The following COLGALT2 variants were observed in gnomAD, a reference collection of about 807,000 sequenced individuals.
The protein encoded by COLGALT2 is procollagen galactosyltransferase 2.
In COLGALT2, 49 loss-of-function variants were observed where a neutral mutation model predicts 73.4. The observed-to-expected ratio is 0.67, with a 90% CI of 0.53 to 0.85. The LOEUF is 0.85. COLGALT2 is among the 40% of genes least tolerant of loss of function. The pLI, the probability that COLGALT2 is intolerant of heterozygous loss-of-function variation, is 0.00. For missense variants in COLGALT2, 722 were observed against 790.2 expected (o/e 0.91, Z 1.03); for synonymous variants, 295 against 307.6 (o/e 0.96, Z 0.43).
exon 12 of COLGALT2, chr1:183,930,210 C>G (rs35382033): frequency 2.2e-6 from 1 of 456,042 alleles, no homozygotes; most frequent in African/African-American, 2.0e-5. Flanking sequence ...ATGCCTTCTC[C>G]TAGGGTGCAC....
chr1:183,994,107 C>A (rs1031018378), intron 1 of COLGALT2, among the ~76,000 whole-genome samples: 2 of 128,886 alleles, frequency 1.6e-5, no homozygotes, highest in Non-Finnish European at 3.2e-5. Context: ...GGTGTGATCT[C>A]GGCTCACTGC....
chr1:183,999,237 C>T (rs191061349), intron 1 of COLGALT2, among the ~76,000 whole-genome samples: 7 of 151,992 alleles, frequency 4.6e-5, no homozygotes, highest in African/African-American at 1.2e-4. Context: ...GGCTTTTTCC[C>T]GTTAATTTGT....
At chr1:183,969,613 C>T in intron 4 of COLGALT2, 140 bp from the exon 5 acceptor site, 1 of 595,968 alleles carries the variant, frequency 1.7e-6, no homozygotes, top group Non-Finnish European at 2.8e-6. Context: ...CTCCTCTTAT[C>T]ATGGCCTATG....
At chr1:183,976,440 C>T (rs2102818292) in intron 2 of COLGALT2, among the ~76,000 whole-genome samples, 1 of 150,894 alleles carries the variant, frequency 6.6e-6, no homozygotes, top group African/African-American at 2.4e-5. Context: ...GAAACTTGTT[C>T]TGGAATGGCA....
In COLGALT2 at chr1:183,936,135, C is replaced by T. The variant is rs1330007729; in HGVS notation, c.*2626G>A. Reference sequence around the variant, plus strand: ...AAGAGAAATCCAGACAGGGTTTAGCCTCCAGAGGCAGAGAGCGGGTGCCAG... The same window carrying T: ...AAGAGAAATCCAGACAGGGTTTAGCTTCCAGAGGCAGAGAGCGGGTGCCAG... On this transcript the variant is annotated 3_prime_UTR_variant, in exon 12 of 12. Transcript: ENST00000361927. 3.0e-6 allele frequency: 3 copies of T among 985,546 alleles called. No homozygotes were observed. In the East Asian group the frequency reaches 3.4e-4, roughly 112 times the overall value. The allele number at this position is 985,546 out of a possible 1,614,324, so 61.1% of individuals were successfully genotyped here.
At chr1:183,992,626 G>C (rs1262842659) in intron 1 of COLGALT2, among the ~76,000 whole-genome samples, 2 of 152,132 alleles carry the variant, frequency 1.3e-5, no homozygotes, top group East Asian at 3.8e-4. Flanking sequence ...TGTTTATCTG[G>C]TCTCTGACAG....
Position 184,028,711 on chromosome 1 carries a change from T to C in COLGALT2, c.263+8384A>G, listed in dbSNP as rs116630146. 3.8e-3 allele frequency among the ~76,000 whole-genome samples: 579 copies of C among 152,342 alleles called. 4 individuals are homozygous for C. Among genetic ancestry groups the C allele is most frequent in the African/African-American group, 0.013 (530 of 41,596 alleles). ...CTTGTCCCAGACTCATCTTCTACCA[T>C]ACTCTTGGGGGTATACAGCCCAAGA... On this transcript the variant is annotated intron_variant, in intron 1 of 11. Coordinates refer to ENST00000361927, the MANE Select transcript of COLGALT2 (RefSeq NM_015101.4).
intron 1 of COLGALT2, among the ~76,000 whole-genome samples, chr1:183,979,145 C>T (rs1671283679): frequency 6.6e-6 from 1 of 152,100 alleles, no homozygotes; most frequent in Non-Finnish European, 1.5e-5. Flanking sequence ...AAATAATGTA[C>T]ACAAAACTTG....
rs547725115 is a variant in COLGALT2 at position 183,938,554 on chromosome 1, C to T, written c.*207G>A. 484 of 1,410,962 alleles carry T rather than the reference C, an allele frequency of 3.4e-4. No individual in the cohort carries two copies. Among genetic ancestry groups the T allele is most frequent in the Admixed American group, 1.2e-3 (40 of 33,536 alleles). 87.4% of individuals were successfully genotyped at this position (1,410,962 alleles called of 1,614,324 possible). A position where few individuals can be genotyped will look rare whatever the true frequency, so the allele number is the denominator to read the frequency against. ...GTTTCCAAAAAACCTGTCTTTCAGC[C>T]GTCTTGGGAAATTTGGGTTGAATTT... On this transcript the variant is annotated 3_prime_UTR_variant, in exon 12 of 12. Transcript: ENST00000361927.
chr1:183,940,321 A>G (rs982784014), intron 11 of COLGALT2, among the ~76,000 whole-genome samples: 1 of 152,176 alleles, frequency 6.6e-6, no homozygotes, highest in Non-Finnish European at 1.5e-5. Flanking sequence ...CAAGGAGGGG[A>G]CCAAGCACAT....
At chr1:184,030,387 C>A (rs980737356) in intron 1 of COLGALT2, among the ~76,000 whole-genome samples, 1 of 152,106 alleles carries the variant, frequency 6.6e-6, no homozygotes, top group Admixed American at 6.5e-5. Context: ...AGTGGCCATA[C>A]CATAGGCTAA....
intron 9 of COLGALT2, among the ~76,000 whole-genome samples, chr1:183,945,015 C>G (rs936118564): frequency 1.3e-5 from 2 of 152,132 alleles, no homozygotes; most frequent in Non-Finnish European, 2.9e-5. Flanking sequence ...CTGGCTCTGC[C>G]ACTTCTTACC....
rs567889214 is a variant in COLGALT2, at chr1:184,037,379, C to A, written c.-22G>T. 752 of 1,387,526 alleles carry A rather than the reference C, an allele frequency of 5.4e-4. 1 individual carries two copies. The highest frequency in any genetic ancestry group is 1.8e-3 in the Admixed American group (59 of 32,604). The allele number at this position is 1,387,526 out of a possible 1,614,324, so 86.0% of individuals were successfully genotyped here. On this transcript the variant is annotated 5_prime_UTR_variant, in exon 1 of 12. Coordinates refer to ENST00000361927, the MANE Select transcript of COLGALT2 (RefSeq NM_015101.4). ...CCATGTTCCGGGCCGAGGCGGGCGG[C>A]GGGGAAGTCCTGGCGCGAGCGCCCG...
intron 6 of COLGALT2, among the ~76,000 whole-genome samples, chr1:183,957,676 C>T (rs1321279301): frequency 6.6e-6 from 1 of 151,800 alleles, no homozygotes; most frequent in Non-Finnish European, 1.5e-5. Flanking sequence ...CAGCTCTGTT[C>T]TCAACTGTAA....
chr1:183,978,955 T>C (rs962352344), intron 1 of COLGALT2, among the ~76,000 whole-genome samples: 1 of 152,252 alleles, frequency 6.6e-6, no homozygotes, highest in African/African-American at 2.4e-5. Flanking sequence ...TTCTGCTTCA[T>C]CTTCATTTCA....
At chr1:184,022,370 A>G (rs999550845) in intron 1 of COLGALT2, among the ~76,000 whole-genome samples, 1 of 152,190 alleles carries the variant, frequency 6.6e-6, no homozygotes, top group Non-Finnish European at 1.5e-5. Context: ...TTGATCCCCA[A>G]TGTGAGAAGC....
chr1:184,032,022 T>C (rs1000538109), intron 1 of COLGALT2, among the ~76,000 whole-genome samples: 1 of 151,988 alleles, frequency 6.6e-6, no homozygotes, highest in Non-Finnish European at 1.5e-5. Flanking sequence ...GTCTCCCAAG[T>C]AGCTGGGACT....
intron 7 of COLGALT2, 29 bp from the exon 8 acceptor site, chr1:183,951,142 A>G: frequency 2.7e-6 from 4 of 1,487,638 alleles, no homozygotes; most frequent in Non-Finnish European, 3.8e-6. Flanking sequence ...GGGAAAAGAC[A>G]CATAAATTAC....
chr1:184,032,150 C>CA (rs1203799489), intron 1 of COLGALT2, among the ~76,000 whole-genome samples: 1 of 151,980 alleles, frequency 6.6e-6, no homozygotes, highest in African/African-American at 2.4e-5. Context: ...CACCTCGGCC[C>CA]CCCAAAGTGC....
Sources: gnomAD v4.1 joint callset for allele counts (sites outside exome capture counted in the v4.1 genomes callset) on GRCh38, gnomAD v4.1.1 for gene constraint, MANE v1.5 for transcripts, NCBI Gene and HGNC (gene_info 2026-07-23, HGNC 2026-07-21) for gene names.